TIGAR: variants seen among roughly 807,000 people sequenced by gnomAD.
The protein encoded by TIGAR is TP53 induced glycolysis regulatory phosphatase.
TIGAR carries 7 observed loss-of-function variants against 17.9 expected under a neutral mutation model. The observed-to-expected ratio is 0.39, with a 90% confidence interval of 0.22 to 0.73. The LOEUF (loss-of-function observed/expected upper bound fraction) is 0.73. TIGAR is among the 30% of genes least tolerant of loss of function. The pLI is 0.42. For missense variants in TIGAR, 258 were observed against 327.4 expected (o/e 0.79, Z 1.64); for synonymous variants, 94 against 108.6 (o/e 0.87, Z 0.84).
chr12:4,341,626 C>G (rs1044880860), intron 3 of TIGAR, among the ~76,000 whole-genome samples: 4 of 152,220 alleles, frequency 2.6e-5, no homozygotes, highest in Non-Finnish European at 4.4e-5. Context: ...CCCAGGCAAA[C>G]AGGGTCTGGA....
At position 4,352,667 on chromosome 12, in the gene TIGAR, A is replaced by G. The variant is rs759486483; in HGVS notation, c.789A>G (p.Leu263=). ...TTTGTATGAACCTACAGGATCATCT[A>G]AATGGACTGACTGAAACTCGCTAAG... ...QCICMNLQDH[L]NGLTETR is the part of the protein sequence containing the mutation. Residue 263 remains leucine (L), a synonymous_variant, in exon 6 of 6, where the codon CTA becomes CTG. Coordinates refer to ENST00000179259, the MANE Select transcript of TIGAR (RefSeq NM_020375.3). 3.1e-6 allele frequency: 5 copies of G among 1,601,960 alleles called. No homozygotes were observed. The highest frequency in any genetic ancestry group is 3.4e-6 in the Non-Finnish European group (4 of 1,179,818).
chr12:4,349,999 G>A (rs570300885), intron 4 of TIGAR, 103 bp downstream of exon 4: 16 of 755,088 alleles, frequency 2.1e-5, no homozygotes, highest in South Asian at 1.2e-4. Flanking sequence ...TAGGGATTTC[G>A]AATCAGTGAA....
intron 3 of TIGAR, among the ~76,000 whole-genome samples, chr12:4,338,505 A>G (rs1864684499): frequency 6.6e-6 from 1 of 152,210 alleles, no homozygotes; most frequent in African/African-American, 2.4e-5. Context: ...GGGGCAGAGT[A>G]ATGGAAGAAA....
At chr12:4,351,243 C>T in intron 4 of TIGAR, 24 bp from the exon 5 acceptor site, 1 of 1,598,088 alleles carries the variant, frequency 6.3e-7, no homozygotes, top group Non-Finnish European at 8.6e-7. Context: ...ATTTGAGAAA[C>T]TGTTATCTAT....
rs1386353304 is a variant in TIGAR, at chr12:4,358,273, T to C, written c.*5582T>C. Among the ~76,000 whole-genome samples, 7 of 140,406 alleles carry C rather than the reference T, an allele frequency of 5.0e-5. No individual in the cohort carries two copies. The highest frequency in any genetic ancestry group is 1.1e-4 in the Non-Finnish European group (7 of 64,570). The allele number at this position is 140,406 out of a possible 152,430, so 92.1% of individuals were successfully genotyped here. On this transcript the variant is annotated 3_prime_UTR_variant, in exon 6 of 6. Transcript: ENST00000179259. Reference sequence around the variant, plus strand: ...CTGTCTTTACTAAAAATACAAAAATTAGCTGGGCGTCTCCAAAAAAAAAAA... The same window carrying C: ...CTGTCTTTACTAAAAATACAAAAATCAGCTGGGCGTCTCCAAAAAAAAAAA...
intron 1 of TIGAR, among the ~76,000 whole-genome samples, chr12:4,326,557 A>T (rs1864548471): frequency 6.6e-6 from 1 of 152,246 alleles, no homozygotes; most frequent in Non-Finnish European, 1.5e-5. Context: ...GTGATTGTTA[A>T]TAATACTATT....
At chr12:4,331,236 A>G in intron 1 of TIGAR, 44 bp from the exon 2 acceptor site, 1 of 1,548,056 alleles carries the variant, frequency 6.5e-7, no homozygotes, top group Non-Finnish European at 8.9e-7. Flanking sequence ...TCTCAAAAAC[A>G]GTATAATTTG....
chr12:4,334,323 CAG>C (rs1328208797), intron 2 of TIGAR, among the ~76,000 whole-genome samples: 1 of 152,228 alleles, frequency 6.6e-6, no homozygotes, highest in East Asian at 1.9e-4. Context: ...CCTCACATGG[CAG>C]AGAGATAGAT....
In TIGAR at chr12:4,356,218, G is replaced by C. The variant is rs190864759; in HGVS notation, c.*3527G>C. Among the ~76,000 whole-genome samples the C allele has an allele frequency of 2.3e-3, 355 of 152,296 alleles. 1 individual carries two copies. The highest frequency in any genetic ancestry group is 7.9e-3 in the African/African-American group (329 of 41,552). On this transcript the variant is annotated 3_prime_UTR_variant, in exon 6 of 6. Coordinates refer to ENST00000179259, the MANE Select transcript of TIGAR (RefSeq NM_020375.3). ...AAGCAAGGCCAGGGATGTTGGCAGG[G>C]ACCAGGCCAGAGTGCCTCCAATGGC...
At chr12:4,334,174 AAC>A (rs1864634404) in intron 2 of TIGAR, among the ~76,000 whole-genome samples, 1 of 152,174 alleles carries the variant, frequency 6.6e-6, no homozygotes, top group African/African-American at 2.4e-5. Context: ...AGGCTGCTGT[AAC>A]AGAGTATCAT....
chr12:4,339,882 C>T (rs887450004), intron 3 of TIGAR, among the ~76,000 whole-genome samples: 3 of 151,938 alleles, frequency 2.0e-5, no homozygotes, highest in African/African-American at 4.8e-5. Flanking sequence ...AACCTAGGTA[C>T]GGAAGGAACA....
intron 3 of TIGAR, among the ~76,000 whole-genome samples, chr12:4,346,002 A>C (rs1864775768): frequency 6.6e-6 from 1 of 152,276 alleles, no homozygotes. Context: ...GACAGATGAA[A>C]AAATGCTCAT....
chr12:4,327,343 A>T (rs2120647697), intron 1 of TIGAR, among the ~76,000 whole-genome samples: 1 of 150,240 alleles, frequency 6.7e-6, no homozygotes, highest in East Asian at 2.0e-4. Flanking sequence ...CTGGAGTTGG[A>T]GATTGCAGTG....
chr12:4,335,986 T>C (rs780758632), intron 2 of TIGAR, among the ~76,000 whole-genome samples: 1 of 152,250 alleles, frequency 6.6e-6, no homozygotes, highest in Non-Finnish European at 1.5e-5. Context: ...TTGCTTATTT[T>C]TGTGACTCTG....
At position 4,349,382 on chromosome 12, in the gene TIGAR, CAGAG is replaced by C. The variant is rs570201546; in HGVS notation, c.193-434_193-431del. Among the ~76,000 whole-genome samples the C allele has an allele frequency of 2.4e-3, 366 of 150,970 alleles. 3 individuals carry two copies. Among genetic ancestry groups the C allele is most frequent in the African/African-American group, 8.6e-3 (356 of 41,248 alleles). On this transcript the variant is annotated intron_variant, in intron 3 of 5. Coordinates refer to ENST00000179259, the MANE Select transcript of TIGAR (RefSeq NM_020375.3). ...ACACAGATGTGTACACAGATGTACA[CAGAG>C]AGGCAACTTTTGCAAAGGAAAATCA...
At chr12:4,344,434 T>G (rs1456342859) in intron 3 of TIGAR, among the ~76,000 whole-genome samples, 2 of 152,112 alleles carry the variant, frequency 1.3e-5, no homozygotes, top group Non-Finnish European at 2.9e-5. Context: ...AAAAAGAATT[T>G]TAGACCAATA....
At chr12:4,339,725 T>G (rs531981560) in intron 3 of TIGAR, among the ~76,000 whole-genome samples, 1 of 152,338 alleles carries the variant, frequency 6.6e-6, no homozygotes, top group African/African-American at 2.4e-5. Context: ...ATCCCAGGGA[T>G]GCAAGGATGT....
chr12:4,357,915 A>G lies in TIGAR; in HGVS notation c.*5224A>G, dbSNP rs1030882240. On this transcript the variant is annotated 3_prime_UTR_variant, in exon 6 of 6. Coordinates refer to ENST00000179259, the MANE Select transcript of TIGAR (RefSeq NM_020375.3). ...TCAGGAGATAGAGACCATCCTGGCT[A>G]ACACAGTGAAACCTCGTCTCCACTG... Among the ~76,000 whole-genome samples, 4 of 151,194 alleles carry G rather than the reference A, an allele frequency of 2.6e-5. No individual in the cohort carries two copies. The highest frequency in any genetic ancestry group is 3.9e-4 in the East Asian group (2 of 5,086).
At chr12:4,336,556 GTTATC>G (rs1864662128) in intron 2 of TIGAR, among the ~76,000 whole-genome samples, 1 of 151,054 alleles carries the variant, frequency 6.6e-6, no homozygotes, top group Non-Finnish European at 1.5e-5. Flanking sequence ...CCAGCCAACC[GTTATC>G]CTGGAAATAG....
Sources: allele counts gnomAD v4.1 joint callset (sites outside exome capture counted in the v4.1 genomes callset), GRCh38; gene constraint gnomAD v4.1.1; transcripts MANE v1.5; gene names NCBI Gene and HGNC (gene_info 2026-07-23, HGNC 2026-07-21).